The following KCNH7 variants were observed in gnomAD, a reference collection of about 807,000 sequenced individuals.
The protein encoded by KCNH7 is potassium voltage-gated channel subfamily H member 7, also known as voltage-gated inwardly rectifying potassium channel KCNH7.
Under a neutral mutation model 120.8 loss-of-function variants are expected in KCNH7, and 49 were observed. The observed-to-expected ratio is 0.41, with a 90% CI of 0.32 to 0.51. KCNH7 has a LOEUF of 0.51. KCNH7 is among the 20% of genes least tolerant of loss of function. KCNH7 has a pLI of 0.38. For synonymous variants in KCNH7, 547 were observed against 516.1 expected (o/e 1.06, Z -0.81); for missense variants, 1,097 against 1,446.6 (o/e 0.76, Z 3.92).
At chr2:162,442,611 C>T (rs1470486588) in intron 7 of KCNH7, among the ~76,000 whole-genome samples, 1 of 152,034 alleles carries the variant, frequency 6.6e-6, no homozygotes, top group East Asian at 1.9e-4. Flanking sequence ...GTAATTCCAG[C>T]ACTTTGGGAG....
chr2:162,554,451 G>A (rs1460966389), intron 2 of KCNH7, among the ~76,000 whole-genome samples: 2 of 151,908 alleles, frequency 1.3e-5, no homozygotes, highest in East Asian at 3.9e-4. Context: ...TTAAAGCCTG[G>A]CGTGTTTAAA....
intron 6 of KCNH7, among the ~76,000 whole-genome samples, chr2:162,462,130 A>G (rs1198662573): frequency 6.6e-6 from 1 of 152,112 alleles, no homozygotes; most frequent in African/African-American, 2.4e-5. Flanking sequence ...ACGAATTAGT[A>G]TGATCTTACT....
At position 162,592,060 on chromosome 2, in the gene KCNH7, G is replaced by A. The variant is rs79479873; in HGVS notation, c.308-54980C>T. ...CTTCTACTAAATTGACCGGAAAAGC[G>A]AGAAGGGGAGGCAGTCTTATCTTTT... On this transcript the variant is annotated intron_variant, in intron 2 of 15. Coordinates refer to ENST00000332142, the MANE Select transcript of KCNH7 (RefSeq NM_033272.4). 2.4e-4 allele frequency among the ~76,000 whole-genome samples: 37 copies of A among 152,160 alleles called. No individual in the cohort carries two copies. The East Asian group carries it at 5.2e-3, about 22-fold the overall frequency.
intron 2 of KCNH7, among the ~76,000 whole-genome samples, chr2:162,677,444 A>G (rs796671543): frequency 1.3e-4 from 19 of 151,396 alleles, no homozygotes; most frequent in African/African-American, 4.1e-4. Flanking sequence ...TCCCTCAGAT[A>G]CTCTTTTGTG....
intron 2 of KCNH7, among the ~76,000 whole-genome samples, chr2:162,734,864 G>A (rs1687845269): frequency 6.6e-6 from 1 of 152,144 alleles, no homozygotes; most frequent in Non-Finnish European, 1.5e-5. Flanking sequence ...AGGGACTGGA[G>A]AGAGTGGTGT....
chr2:162,421,552 C>A (rs1178108742), intron 9 of KCNH7, among the ~76,000 whole-genome samples: 4 of 152,090 alleles, frequency 2.6e-5, no homozygotes, highest in Admixed American at 6.6e-5. Flanking sequence ...AAGCTCTAAA[C>A]CTGACAGATA....
intron 2 of KCNH7, among the ~76,000 whole-genome samples, chr2:162,832,637 T>C (rs4667466): frequency 0.53 from 80,369 of 151,888 alleles, 22,196 homozygotes; most frequent in South Asian, 0.73. Flanking sequence ...GTAATACAAA[T>C]GTCCTGGAAG....
At chr2:162,658,488 C>T (rs977394614) in intron 2 of KCNH7, among the ~76,000 whole-genome samples, 11 of 152,024 alleles carry the variant, frequency 7.2e-5, no homozygotes, top group African/African-American at 2.7e-4. Context: ...TTTTACTTTT[C>T]CATATAAACC....
rs151295915 is a variant in KCNH7 at position 162,371,475 on chromosome 2, G to A, written c.*354C>T. 9.0e-4 allele frequency: 1,135 copies of A among 1,254,674 alleles called. 1 individual carries two copies. The highest frequency in any genetic ancestry group is 1.4e-3 in the Admixed American group (53 of 38,178). The allele number at this position is 1,254,674 out of a possible 1,614,324, so 77.7% of individuals were successfully genotyped here. A position where few individuals can be genotyped will look rare whatever the true frequency, so the allele number is the denominator to read the frequency against. On this transcript the variant is annotated 3_prime_UTR_variant, in exon 16 of 16. Transcript: ENST00000332142. ...TTTTATCCCTTGGTTTCTTATTTGC[G>A]TGGAAGGCATTTTCATAACGAAGTA... is the stretch of plus-strand genomic sequence containing the variant.
chr2:162,802,181 C>T (rs905792226), intron 2 of KCNH7, among the ~76,000 whole-genome samples: 8 of 151,584 alleles, frequency 5.3e-5, no homozygotes, highest in African/African-American at 1.9e-4. Flanking sequence ...GAGAACATCC[C>T]TGTTATTTTA....
intron 2 of KCNH7, among the ~76,000 whole-genome samples, chr2:162,760,077 T>G (rs1301613829): frequency 6.6e-6 from 1 of 152,172 alleles, no homozygotes; most frequent in Non-Finnish European, 1.5e-5. Context: ...GCACATAATT[T>G]CTTAATGCTA....
intron 2 of KCNH7, among the ~76,000 whole-genome samples, chr2:162,707,571 A>T (rs1686759506): frequency 6.6e-6 from 1 of 152,280 alleles, no homozygotes; most frequent in South Asian, 2.1e-4. Flanking sequence ...TCAAAAGAAC[A>T]AAGGTGGTGT....
At chr2:162,482,985 A>G (rs974189166) in intron 6 of KCNH7, among the ~76,000 whole-genome samples, 1 of 152,148 alleles carries the variant, frequency 6.6e-6, no homozygotes, top group Non-Finnish European at 1.5e-5. Context: ...TGCACCAGTA[A>G]TTATATTCTG....
rs574142420 is a variant in KCNH7 at position 162,699,054 on chromosome 2, C to G, written c.307+137483G>C. ...TTGAGACAATTAACATATGCATTAC[C>G]TCACATGCTTATCATTTTTTGTGGT... On this transcript the variant is annotated intron_variant, in intron 2 of 15. Coordinates refer to ENST00000332142, the MANE Select transcript of KCNH7 (RefSeq NM_033272.4). Among the ~76,000 whole-genome samples the G allele has an allele frequency of 9.0e-4, 137 of 152,076 alleles. 3 individuals carry two copies. In the South Asian group the frequency reaches 0.017, roughly 19 times the overall value.
intron 2 of KCNH7, among the ~76,000 whole-genome samples, chr2:162,667,634 G>A (rs1334120990): frequency 6.6e-6 from 1 of 152,062 alleles, no homozygotes; most frequent in Non-Finnish European, 1.5e-5. Context: ...CTTTGAATGA[G>A]TGTCTAGTGC....
rs540413210 is a variant in KCNH7 at position 162,677,440 on chromosome 2, A to G, written c.308-140360T>C. Among the ~76,000 whole-genome samples, 120 of 151,506 alleles carry G rather than the reference A, an allele frequency of 7.9e-4. 1 individual carries two copies. Among genetic ancestry groups the G allele is most frequent in the Middle Eastern group, 3.4e-3 (1 of 294 alleles). On this transcript the variant is annotated intron_variant, in intron 2 of 15. Coordinates refer to ENST00000332142, the MANE Select transcript of KCNH7 (RefSeq NM_033272.4). ...TACCTCATTCAAGACCCCATCCCTC[A>G]GATACTCTTTTGTGCCGGCTTCTTT...
intron 2 of KCNH7, among the ~76,000 whole-genome samples, chr2:162,632,543 T>C (rs1683811652): frequency 6.6e-6 from 1 of 151,770 alleles, no homozygotes; most frequent in Non-Finnish European, 1.5e-5. Flanking sequence ...AAAGAAAATA[T>C]TCAATATTAG....
At chr2:162,835,709 T>C (rs1444200726) in intron 2 of KCNH7, among the ~76,000 whole-genome samples, 1 of 152,046 alleles carries the variant, frequency 6.6e-6, no homozygotes, top group Non-Finnish European at 1.5e-5. Flanking sequence ...TTTATATATG[T>C]GAGTTCATTT....
rs1687033218 is a variant in KCNH7 at position 162,400,327 on chromosome 2, A to G, written c.2269T>C (p.Leu757=). ...RGASKGCLRA[L]AMKFKTTHAP... is the part of the protein sequence containing the mutation. ...TGGGTGGTTTTGAACTTCATTGCCA[A>G]AGCTCTAAGGCAACCTTTACTTGCC... Residue 757 remains leucine, a synonymous_variant, in exon 10 of 16, where the codon TTG becomes CTG. Coordinates refer to ENST00000332142, the MANE Select transcript of KCNH7 (RefSeq NM_033272.4). 8.1e-6 allele frequency: 13 copies of G among 1,612,534 alleles called. No homozygotes were observed. Among genetic ancestry groups the G allele is most frequent in the Non-Finnish European group, 1.1e-5 (13 of 1,179,064 alleles).
Sources: gnomAD v4.1 joint callset for allele counts (sites outside exome capture counted in the v4.1 genomes callset) on GRCh38, gnomAD v4.1.1 for gene constraint, MANE v1.5 for transcripts, NCBI Gene and HGNC (gene_info 2026-07-23, HGNC 2026-07-21) for gene names.